The following PLEKHG1 variants were observed in gnomAD, a reference collection of about 807,000 sequenced individuals.
PLEKHG1 encodes pleckstrin homology domain-containing family G member 1.
Under a neutral mutation model 100.8 loss-of-function variants are expected in PLEKHG1, and 44 were observed. That is an observed-to-expected ratio of 0.44 (90% CI 0.34 to 0.56). The LOEUF (loss-of-function observed/expected upper bound fraction) is 0.56. Among genes scored for constraint, PLEKHG1 ranks in the 20% least tolerant of loss-of-function variants. The pLI is 0.01. For synonymous variants in PLEKHG1, 640 were observed against 662.5 expected (o/e 0.97, Z 0.52); for missense variants, 1,545 against 1,720.9 (o/e 0.90, Z 1.81).
chr6:150,722,864 C>T (rs9478795), intron 1 of PLEKHG1, among the ~76,000 whole-genome samples: 31,368 of 152,142 alleles, frequency 0.21, 4,789 homozygotes, highest in African/African-American at 0.42. Flanking sequence ...ATAACCATCA[C>T]TGTTTAGTTA....
At chr6:150,745,361 A>G (rs1783102793) in intron 2 of PLEKHG1, among the ~76,000 whole-genome samples, 1 of 152,158 alleles carries the variant, frequency 6.6e-6, no homozygotes, top group South Asian at 2.1e-4. Context: ...CTTGAACTCT[A>G]TGACGCATAA....
chr6:150,696,526 A>G (rs1263578629), intron 3 of PLEKHG1, among the ~76,000 whole-genome samples: 3 of 152,018 alleles, frequency 2.0e-5, no homozygotes, highest in Admixed American at 2.0e-4. Context: ...ATGCATTAGC[A>G]TTGGTTCTGG....
chr6:150,662,841 C>T (rs1239785005), intron 3 of PLEKHG1: 2 of 152,302 alleles, frequency 1.3e-5, no homozygotes, highest in Non-Finnish European at 2.9e-5. Flanking sequence ...CTACCACTTC[C>T]TACACCTCGA....
chr6:150,617,593 ACTC>A (rs1777125984), intron 1 of PLEKHG1, among the ~76,000 whole-genome samples: 4 of 152,160 alleles, frequency 2.6e-5, no homozygotes, highest in African/African-American at 9.7e-5. Flanking sequence ...TTCCCATAGA[ACTC>A]AGTAAGGTTT....
chr6:150,603,656 A>G (rs77098255), intron 1 of PLEKHG1, among the ~76,000 whole-genome samples: 105 of 152,250 alleles, frequency 6.9e-4, no homozygotes, highest in African/African-American at 2.5e-3. Flanking sequence ...TATCTTTTCA[A>G]TATGTAAACC....
chr6:150,733,694 G>C (rs1383213719), exon 2 of PLEKHG1: 2 of 1,614,164 alleles, frequency 1.2e-6, no homozygotes, highest in South Asian at 1.1e-5. Context: ...GGAGCTCTCT[G>C]ATAGTGACCG....
chr6:150,614,269 G>A (rs1452961531), intron 1 of PLEKHG1, among the ~76,000 whole-genome samples: 1 of 152,032 alleles, frequency 6.6e-6, no homozygotes, highest in Admixed American at 6.6e-5. Context: ...GCCTCAGAAG[G>A]GTCTGAAATC....
chr6:150,610,156 C>T (rs1182706555), intron 1 of PLEKHG1, among the ~76,000 whole-genome samples: 8 of 152,170 alleles, frequency 5.3e-5, no homozygotes, highest in African/African-American at 1.9e-4. Context: ...GGCTGGAGTG[C>T]AGTGGTGCGA....
intron 15 of PLEKHG1, among the ~76,000 whole-genome samples, chr6:150,838,877 G>T: frequency 6.6e-6 from 1 of 152,260 alleles, no homozygotes; most frequent in South Asian, 2.1e-4. Context: ...GCTTCTTGGG[G>T]ATGTGAAATG....
At chr6:150,666,989 A>G (rs9383836) in intron 3 of PLEKHG1, among the ~76,000 whole-genome samples, 21,805 of 152,026 alleles carry the variant, frequency 0.14, 1,768 homozygotes, top group East Asian at 0.24. Context: ...CGATCTCCTG[A>G]CCTCGTGATC....
At chr6:150,806,829 C>CAAAAAAAAAAAA in intron 7 of PLEKHG1, among the ~76,000 whole-genome samples, 1 of 90,196 alleles carries the variant, frequency 1.1e-5, no homozygotes, top group Non-Finnish European at 2.2e-5. Flanking sequence ...GACTCCATCT[C>CAAAAAAAAAAAA]AAAAAAAAAA....
At chr6:150,739,062 AAG>A (rs1275204009) in intron 2 of PLEKHG1, among the ~76,000 whole-genome samples, 1 of 152,144 alleles carries the variant, frequency 6.6e-6, no homozygotes, top group African/African-American at 2.4e-5. Flanking sequence ...TGATCTATAA[AAG>A]AGCTTTTGAG....
intron 1 of PLEKHG1, among the ~76,000 whole-genome samples, chr6:150,727,665 C>T (rs576798507): frequency 8.6e-5 from 13 of 152,046 alleles, no homozygotes; most frequent in Admixed American, 2.0e-4. Flanking sequence ...TTTCATTGTG[C>T]GACTCAGTAA....
At chr6:150,696,577 G>A (rs1780553260) in intron 3 of PLEKHG1, among the ~76,000 whole-genome samples, 1 of 152,108 alleles carries the variant, frequency 6.6e-6, no homozygotes. Context: ...GACTTTGTGG[G>A]TGTGTTTCAT....
intron 1 of PLEKHG1, among the ~76,000 whole-genome samples, chr6:150,629,159 G>A (rs537387752): frequency 1.2e-4 from 19 of 152,318 alleles, no homozygotes; most frequent in African/African-American, 4.1e-4. Context: ...TAAAGGATTG[G>A]ACAGAGGAAC....
At chr6:150,744,045 C>T (rs910971579) in intron 2 of PLEKHG1, among the ~76,000 whole-genome samples, 14 of 152,096 alleles carry the variant, frequency 9.2e-5, no homozygotes, top group Admixed American at 3.9e-4. Context: ...TGTACTGCCT[C>T]GCCCTTCATC....
chr6:150,794,302 T>C (rs1212124898), intron 4 of PLEKHG1, among the ~76,000 whole-genome samples: 2 of 152,154 alleles, frequency 1.3e-5, no homozygotes, highest in Non-Finnish European at 2.9e-5. Flanking sequence ...AAAGGAAATA[T>C]GAATAGTGAC....
exon 16 of PLEKHG1, chr6:150,840,762 C>T: frequency 6.2e-7 from 1 of 1,614,170 alleles, no homozygotes; most frequent in Non-Finnish European, 8.5e-7. Context: ...TGGCCTTTCA[C>T]CATATCTGAC....
Position 150,678,063 on chromosome 6 carries a change from C to CATATATATATAT in PLEKHG1, c.-99+27306_-99+27317dup, listed in dbSNP as rs201616866. Among the ~76,000 whole-genome samples, 35 of 60,116 alleles carry CATATATATATAT rather than the reference C, an allele frequency of 5.8e-4. 1 individual carries two copies. The highest frequency in any genetic ancestry group is 1.8e-3 in the South Asian group (2 of 1,088). 39.4% of individuals were successfully genotyped at this position (60,116 alleles called of 152,430 possible). ...TGGGATACAATGTGATGTTTTGATG[C>CATATATATATAT]ATATATATATATATATATATATATA... On this transcript the variant is annotated intron_variant, in intron 3 of 3. Transcript: ENST00000367326.
Sources: allele counts gnomAD v4.1 joint callset (sites outside exome capture counted in the v4.1 genomes callset), GRCh38; gene constraint gnomAD v4.1.1; transcripts MANE v1.5; gene names NCBI Gene and HGNC (gene_info 2026-07-23, HGNC 2026-07-21).